The following DLGAP2 variants were observed in gnomAD, a reference collection of about 807,000 sequenced individuals.
DLGAP2 encodes disks large-associated protein 2.
Under a neutral mutation model 100.3 loss-of-function variants are expected in DLGAP2, and 26 were observed. The observed-to-expected ratio is 0.26, with a 90% CI of 0.19 to 0.36. The LOEUF (loss-of-function observed/expected upper bound fraction) is 0.36. Among genes scored for constraint, DLGAP2 ranks in the 10% least tolerant of loss-of-function variants. The pLI, the probability that DLGAP2 is intolerant of heterozygous loss-of-function variation, is 1.00. For missense variants in DLGAP2, 1,858 were observed against 1,453.2 expected (o/e 1.28, Z -4.53); for synonymous variants, 886 against 630.1 (o/e 1.41, Z -6.08).
rs548347086 is a variant in DLGAP2 at position 1,589,209 on chromosome 8, A to G, written c.1442+23315A>G. ...TAAAATAAGAAAAGATAACTGAAAA[A>G]CATTAGTTTCGTTGTCTTCTAGGCC... On this transcript the variant is annotated intron_variant, in intron 6 of 14. Transcript: ENST00000637795. Among the ~76,000 whole-genome samples, 229 of 152,340 alleles carry G rather than the reference A, an allele frequency of 1.5e-3. 1 individual carries two copies. Among genetic ancestry groups the G allele is most frequent in the Non-Finnish European group, 2.9e-3 (198 of 68,026 alleles).
chr8:1,163,355 C>T lies in DLGAP2; in HGVS notation c.74-95496C>T, dbSNP rs575598178. 9.2e-5 allele frequency among the ~76,000 whole-genome samples: 14 copies of T among 152,338 alleles called. No individual in the cohort carries two copies. The East Asian group carries it at 2.7e-3, about 30-fold the overall frequency. ...CGGCCTTCCCGGGGTGTCGTGTTCC[C>T]TTCGCCTCCGCTCAGCGGGTCCGCG... On this transcript the variant is annotated intron_variant, in intron 2 of 14. Transcript: ENST00000637795.
intron 1 of DLGAP2, among the ~76,000 whole-genome samples, chr8:880,418 C>T (rs560128073): frequency 6.6e-6 from 1 of 152,356 alleles, no homozygotes; most frequent in South Asian, 2.1e-4. Context: ...TATCTGGCTC[C>T]TGTGCGGGGT....
chr8:1,413,277 A>T lies in DLGAP2; in HGVS notation c.107-88089A>T, dbSNP rs140051871. Among the ~76,000 whole-genome samples, 633 of 152,352 alleles carry T rather than the reference A, an allele frequency of 4.2e-3. 2 individuals are homozygous for T. The highest frequency in any genetic ancestry group is 7.4e-3 in the Non-Finnish European group (501 of 68,036). ...TAAAGTAAATAAAGGAAGAAGCATA[A>T]AGATAGAAGGATGGGAAGCAGAATG... On this transcript the variant is annotated intron_variant, in intron 3 of 14. Transcript: ENST00000637795.
chr8:1,301,279 C>T (rs576494243), intron 3 of DLGAP2: 1 of 152,428 alleles, frequency 6.6e-6, no homozygotes, highest in Admixed American at 6.5e-5. Flanking sequence ...CACCACGTCC[C>T]ACCCTTCCAT....
intron 7 of DLGAP2, among the ~76,000 whole-genome samples, chr8:1,628,434 C>G (rs1480833531): frequency 8.7e-6 from 1 of 115,200 alleles, no homozygotes; most frequent in Non-Finnish European, 1.8e-5. Flanking sequence ...ACCTCACATT[C>G]TGTCTGACTT....
chr8:1,633,131 C>A, intron 8 of DLGAP2, 85 bp downstream of exon 8: 1 of 1,313,406 alleles, frequency 7.6e-7, no homozygotes, highest in South Asian at 1.2e-5. Flanking sequence ...CAGCACACAG[C>A]ACCACAGTAC....
intron 6 of DLGAP2, among the ~76,000 whole-genome samples, chr8:1,583,719 C>T (rs969361904): frequency 1.2e-4 from 18 of 152,108 alleles, no homozygotes; most frequent in African/African-American, 4.3e-4. Flanking sequence ...CAGCTCCTAG[C>T]ACCTCTCGGC....
chr8:1,287,152 G>GTGCGCGCGCGCGCGCGTGGTTC (rs1799940318), intron 3 of DLGAP2, among the ~76,000 whole-genome samples: 1 of 129,474 alleles, frequency 7.7e-6, no homozygotes, highest in Non-Finnish European at 1.7e-5. Context: ...GTGTGTGTGT[G>GTGCGCGCGCGCGCGCGTGGTTC]TGTGTGCGCG....
chr8:753,144 T>G (rs2132576626), intron 1 of DLGAP2, among the ~76,000 whole-genome samples: 1 of 152,342 alleles, frequency 6.6e-6, no homozygotes, highest in African/African-American at 2.4e-5. Flanking sequence ...GAGGGTTTAC[T>G]GGTGGGACGC....
chr8:1,307,442 A>G (rs531970625), intron 3 of DLGAP2, among the ~76,000 whole-genome samples: 1 of 152,348 alleles, frequency 6.6e-6, no homozygotes, highest in East Asian at 1.9e-4. Context: ...AGATGTTCCC[A>G]TCATGGAAAA....
intron 1 of DLGAP2, among the ~76,000 whole-genome samples, chr8:748,496 G>A (rs1225064225): frequency 1.3e-5 from 2 of 152,152 alleles, no homozygotes; most frequent in Non-Finnish European, 2.9e-5. Flanking sequence ...ACTGTGACCC[G>A]AGGAGGAAGC....
intron 6 of DLGAP2, among the ~76,000 whole-genome samples, chr8:1,616,838 G>T (rs903750606): frequency 6.6e-6 from 1 of 152,122 alleles, no homozygotes; most frequent in Non-Finnish European, 1.5e-5. Flanking sequence ...TCGTCATCCA[G>T]GTAATAAGCA....
intron 11 of DLGAP2, among the ~76,000 whole-genome samples, chr8:1,677,850 A>G (rs947409149): frequency 4.6e-5 from 7 of 152,236 alleles, no homozygotes; most frequent in African/African-American, 1.7e-4. Flanking sequence ...TGTTTACATA[A>G]AAGAAGCAAC....
At chr8:1,127,833 G>C (rs956551861) in intron 2 of DLGAP2, among the ~76,000 whole-genome samples, 1 of 152,202 alleles carries the variant, frequency 6.6e-6, no homozygotes, top group Non-Finnish European at 1.5e-5. Context: ...GGCCTCATAA[G>C]GGTTAAGTGG....
intron 1 of DLGAP2, among the ~76,000 whole-genome samples, chr8:837,207 C>T (rs569754832): frequency 7.2e-5 from 11 of 152,308 alleles, no homozygotes; most frequent in South Asian, 2.1e-4. Flanking sequence ...TCTCGCGGGC[C>T]GTGTGCCCAG....
chr8:1,329,865 C>G (rs935751500), intron 3 of DLGAP2, among the ~76,000 whole-genome samples: 1 of 152,202 alleles, frequency 6.6e-6, no homozygotes, highest in African/African-American at 2.4e-5. Context: ...ATTTCAGAAC[C>G]TTGTCTTCTA....
rs1433559767 is a variant in DLGAP2 at position 842,471 on chromosome 8, G to A, written c.19-65441G>A. 2.6e-5 allele frequency among the ~76,000 whole-genome samples: 4 copies of A among 152,150 alleles called. No individual in the cohort carries two copies. In the East Asian group the frequency reaches 7.7e-4, roughly 29 times the overall value. On this transcript the variant is annotated intron_variant, in intron 1 of 14. Transcript: ENST00000637795. Reference sequence around the variant, plus strand: ...AAGTAACTCATCTTTCTGTCTCAACGCCAGAGGACTTTTACTCTCTTTATT... The same window carrying A: ...AAGTAACTCATCTTTCTGTCTCAACACCAGAGGACTTTTACTCTCTTTATT...
chr8:1,418,203 T>G (rs1796986242), intron 3 of DLGAP2, among the ~76,000 whole-genome samples: 2 of 152,232 alleles, frequency 1.3e-5, no homozygotes, highest in African/African-American at 4.8e-5. Context: ...GCCCAAAGAA[T>G]GATGATGTAA....
intron 12 of DLGAP2, 144 bp from the exon 13 acceptor site, chr8:1,691,391 C>T: frequency 1.5e-6 from 1 of 657,008 alleles, no homozygotes; most frequent in South Asian, 2.0e-5. Flanking sequence ...AGGCACGAGT[C>T]ACCAGCGAAC....
Sources: allele counts gnomAD v4.1 joint callset (sites outside exome capture counted in the v4.1 genomes callset), GRCh38; gene constraint gnomAD v4.1.1; transcripts MANE v1.5; gene names NCBI Gene and HGNC (gene_info 2026-07-23, HGNC 2026-07-21).